The following ACTR3C variants were observed in gnomAD, a reference collection of about 807,000 sequenced individuals.
The protein encoded by ACTR3C is actin-related protein 3C.
Under a neutral mutation model 26.3 loss-of-function variants are expected in ACTR3C, and 18 were observed. The ratio of observed to expected loss-of-function variants is 0.68; its 90% confidence interval spans 0.47 to 1.01. ACTR3C has a LOEUF of 1.01. Ranked by LOEUF, ACTR3C falls within the 50% of genes least tolerant of loss-of-function variation. The pLI is 0.00. For synonymous variants in ACTR3C, 55 were observed against 94.5 expected (o/e 0.58, Z 2.42); for missense variants, 184 against 250.7 (o/e 0.73, Z 1.80).
At chr7:150,249,742 A>C (rs1832704893) in intron 6 of ACTR3C, among the ~76,000 whole-genome samples, 1 of 152,232 alleles carries the variant, frequency 6.6e-6, no homozygotes, top group African/African-American at 2.4e-5. Context: ...GGTGTGAGCC[A>C]CTGTGCCTGG....
chr7:150,239,178 C>T (rs1177428236), downstream of ACTR3C, among the ~76,000 whole-genome samples: 1 of 151,696 alleles, frequency 6.6e-6, no homozygotes, highest in African/African-American at 2.4e-5. Context: ...TTTGGAGCAA[C>T]CTCCTTCATC....
At chr7:149,897,933 A>G in the ACTR3C span, among the ~76,000 whole-genome samples, 5 of 149,456 alleles carry the variant, frequency 3.3e-5, no homozygotes, top group Admixed American at 3.3e-4. Flanking sequence ...GGGCATCTTG[A>G]GGTAACAGGA....
At chr7:150,047,688 C>G in the ACTR3C span, 2 of 1,092,542 alleles carry the variant, frequency 1.8e-6, no homozygotes, top group Non-Finnish European at 2.2e-6. Flanking sequence ...GCCGCCGCCG[C>G]GCTCCCGGGG....
At chr7:150,026,116 C>T in the ACTR3C span, among the ~76,000 whole-genome samples, 1 of 151,968 alleles carries the variant, frequency 6.6e-6, no homozygotes, top group Non-Finnish European at 1.5e-5. Context: ...CGTAGCTTCC[C>T]TTTCTCCTTT....
the ACTR3C span, among the ~76,000 whole-genome samples, chr7:150,127,855 T>G: frequency 6.6e-6 from 1 of 151,568 alleles, no homozygotes; most frequent in African/African-American, 2.4e-5. Flanking sequence ...CTAAATTAAA[T>G]TATTAAGACA....
Position 150,303,614 on chromosome 7 carries a change from G to A in ACTR3C, c.-51-8267C>T, listed in dbSNP as rs190789594. 6.7e-3 allele frequency among the ~76,000 whole-genome samples: 1,017 copies of A among 152,272 alleles called. 9 individuals are homozygous for A. Among genetic ancestry groups the A allele is most frequent in the South Asian group, 9.3e-3 (45 of 4,822 alleles). On this transcript the variant is annotated intron_variant, in intron 1 of 7. Coordinates refer to ENST00000683684, the MANE Select transcript of ACTR3C (RefSeq NM_001164458.2). Reference sequence around the variant, plus strand: ...TGTTATTCAGGCCACATCCTTATGGGTTCTGAGGACCACAATCACAAACCC... The same window carrying A: ...TGTTATTCAGGCCACATCCTTATGGATTCTGAGGACCACAATCACAAACCC...
downstream of ACTR3C, chr7:150,244,901 G>C (rs1832385872): frequency 6.6e-6 from 1 of 152,278 alleles, no homozygotes; most frequent in South Asian, 2.1e-4. Flanking sequence ...GATCAGGAGA[G>C]ACATTTGGAA....
At chr7:150,233,746 A>G in the ACTR3C span, among the ~76,000 whole-genome samples, 251 of 145,006 alleles carry the variant, frequency 1.7e-3, 5 homozygotes, top group African/African-American at 6.9e-3. Context: ...TGTTTCCTCC[A>G]TTAGAGTCTT....
chr7:150,220,301 T>C, the ACTR3C span, among the ~76,000 whole-genome samples: 3 of 146,834 alleles, frequency 2.0e-5, no homozygotes, highest in African/African-American at 8.2e-5. Flanking sequence ...GCGGTTTGAT[T>C]CATGTCCAGA....
the ACTR3C span, among the ~76,000 whole-genome samples, chr7:150,136,608 T>A: frequency 2.0e-5 from 3 of 152,038 alleles, no homozygotes; most frequent in South Asian, 2.1e-4. Flanking sequence ...AGATGGAGAT[T>A]GTAGTGAGCT....
chr7:150,205,971 T>C, the ACTR3C span, among the ~76,000 whole-genome samples: 1 of 152,232 alleles, frequency 6.6e-6, no homozygotes, highest in African/African-American at 2.4e-5. Context: ...TTAATGGTTT[T>C]TCTTCATTTT....
chr7:150,229,962 T>C, the ACTR3C span, among the ~76,000 whole-genome samples: 6,788 of 148,230 alleles, frequency 0.046, 302 homozygotes, highest in African/African-American at 0.11. Flanking sequence ...TGGTGGCTGA[T>C]GCCTATAATC....
the ACTR3C span, among the ~76,000 whole-genome samples, chr7:149,990,303 A>T: frequency 7.0e-6 from 1 of 143,710 alleles, no homozygotes; most frequent in Non-Finnish European, 1.5e-5. Context: ...GCATTCACAT[A>T]TCACCTGTTG....
At chr7:150,178,107 C>T in the ACTR3C span, among the ~76,000 whole-genome samples, 1 of 150,324 alleles carries the variant, frequency 6.7e-6, no homozygotes. Flanking sequence ...ACTTGAAATT[C>T]TGGACACAAC....
At chr7:149,907,478 T>TTCTCTTCTCTTCTCTTCTCTCTC in the ACTR3C span, among the ~76,000 whole-genome samples, 1 of 97,606 alleles carries the variant, frequency 1.0e-5, no homozygotes, top group African/African-American at 3.6e-5. Context: ...CTCTCTTCTC[T>TTCTCTTCTCTTCTCTTCTCTCTC]TCTCTCTCTC....
chr7:150,029,384 A>G, the ACTR3C span, among the ~76,000 whole-genome samples: 4 of 140,372 alleles, frequency 2.8e-5, no homozygotes, highest in East Asian at 8.3e-4. Flanking sequence ...ACATAGGAAG[A>G]CTCAATCTTT....
the ACTR3C span, among the ~76,000 whole-genome samples, chr7:149,906,723 C>T: frequency 3.3e-5 from 4 of 122,982 alleles, no homozygotes; most frequent in Non-Finnish European, 5.0e-5. Context: ...TGAGCCACCG[C>T]GCCCAGCCCA....
chr7:150,165,900 G>A, the ACTR3C span, among the ~76,000 whole-genome samples: 4 of 151,632 alleles, frequency 2.6e-5, no homozygotes, highest in South Asian at 2.1e-4. Flanking sequence ...TATGCCCTGC[G>A]TTGTGAGGAT....
the ACTR3C span, among the ~76,000 whole-genome samples, chr7:150,080,526 T>C: frequency 7.4e-6 from 1 of 134,930 alleles, no homozygotes; most frequent in Non-Finnish European, 1.5e-5. Flanking sequence ...TTTGTGTGTG[T>C]ATGTGTGTGT....
Sources: gnomAD v4.1 joint callset for allele counts (sites outside exome capture counted in the v4.1 genomes callset) on GRCh38, gnomAD v4.1.1 for gene constraint, MANE v1.5 for transcripts, NCBI Gene and HGNC (gene_info 2026-07-23, HGNC 2026-07-21) for gene names.